The following EXOC4 variants were observed in gnomAD, a reference collection of about 807,000 sequenced individuals.
EXOC4 encodes the protein exocyst complex component 4, also known as SEC8-like 1.
In EXOC4, 71 loss-of-function variants were observed where a neutral mutation model predicts 107.2. The observed-to-expected ratio is 0.66, with a 90% CI of 0.55 to 0.81. The LOEUF (loss-of-function observed/expected upper bound fraction) is 0.81, where lower values mean the gene tolerates loss of function less well. Among genes scored for constraint, EXOC4 ranks in the 30% least tolerant of loss-of-function variants. The pLI is 0.00. For synonymous variants in EXOC4, 456 were observed against 441.2 expected, an observed-to-expected ratio of 1.03 and a Z score of -0.42; for missense variants, 1,108 against 1,189.6, an observed-to-expected ratio of 0.93 and a Z score of 1.01.
At chr7:133,865,352 G>A (rs966020211) in intron 11 of EXOC4, among the ~76,000 whole-genome samples, 1 of 152,132 alleles carries the variant, frequency 6.6e-6, no homozygotes, top group African/African-American at 2.4e-5. Context: ...ATTTTACCTA[G>A]AAATGACATA....
At chr7:133,607,041 TA>T (rs1239390306) in intron 9 of EXOC4, among the ~76,000 whole-genome samples, 2 of 152,198 alleles carry the variant, frequency 1.3e-5, no homozygotes, top group Non-Finnish European at 2.9e-5. Context: ...TTGCTAATAG[TA>T]ATTTATTTTC....
intron 12 of EXOC4, among the ~76,000 whole-genome samples, chr7:133,900,739 A>G (rs929268066): frequency 1.3e-5 from 2 of 152,204 alleles, no homozygotes; most frequent in Non-Finnish European, 2.9e-5. Context: ...GGTAAACTTG[A>G]TAAGACTTTG....
intron 10 of EXOC4, among the ~76,000 whole-genome samples, chr7:133,704,075 C>T (rs1288606299): frequency 2.0e-5 from 3 of 152,138 alleles, no homozygotes; most frequent in African/African-American, 7.2e-5. Flanking sequence ...TTCACTGTGA[C>T]ACTGATCAAT....
At chr7:133,869,256 G>A (rs1002019463) in intron 11 of EXOC4, among the ~76,000 whole-genome samples, 2 of 151,890 alleles carry the variant, frequency 1.3e-5, no homozygotes, top group Non-Finnish European at 2.9e-5. Context: ...TCATGCCAAT[G>A]CCTTGCCTGA....
chr7:133,498,431 A>C (rs1799519184), intron 9 of EXOC4, among the ~76,000 whole-genome samples: 1 of 152,134 alleles, frequency 6.6e-6, no homozygotes, highest in Non-Finnish European at 1.5e-5. Context: ...TAAAAATACA[A>C]AAAGTTAGCT....
chr7:133,317,716 C>G (rs1254914854), intron 5 of EXOC4, among the ~76,000 whole-genome samples: 1 of 152,032 alleles, frequency 6.6e-6, no homozygotes, highest in Non-Finnish European at 1.5e-5. Context: ...GAGTCTCGCT[C>G]TGTTGCCCAG....
At chr7:133,534,802 C>A (rs1279336201) in intron 9 of EXOC4, among the ~76,000 whole-genome samples, 1 of 152,092 alleles carries the variant, frequency 6.6e-6, no homozygotes, top group Non-Finnish European at 1.5e-5. Context: ...ATCCTCATAT[C>A]CAGCTGAAGA....
intron 13 of EXOC4, among the ~76,000 whole-genome samples, chr7:133,925,050 T>C (rs1800020698): frequency 6.6e-6 from 1 of 152,224 alleles, no homozygotes; most frequent in East Asian, 1.9e-4. Context: ...CAGAGTGCCT[T>C]GATTTAGCAC....
chr7:133,686,508 A>G (rs1268029209), intron 10 of EXOC4, among the ~76,000 whole-genome samples: 3 of 152,162 alleles, frequency 2.0e-5, no homozygotes, highest in Non-Finnish European at 4.4e-5. Context: ...TTCCTCAGGA[A>G]TGGACTTTCA....
intron 9 of EXOC4, among the ~76,000 whole-genome samples, chr7:133,581,195 G>T (rs950698291): frequency 5.3e-5 from 8 of 152,206 alleles, no homozygotes; most frequent in African/African-American, 1.9e-4. Context: ...ATGGAAGTTT[G>T]AAGTTGGCTG....
intron 9 of EXOC4, among the ~76,000 whole-genome samples, chr7:133,498,651 C>G (rs771238777): frequency 1.3e-5 from 2 of 152,208 alleles, no homozygotes; most frequent in Admixed American, 1.3e-4. Flanking sequence ...TAACTGCCAT[C>G]ATCTCTTGGT....
chr7:133,408,096 C>T (rs938654497), intron 7 of EXOC4, among the ~76,000 whole-genome samples: 2 of 151,398 alleles, frequency 1.3e-5, no homozygotes, highest in Non-Finnish European at 2.9e-5. Context: ...ATGGTGGTGG[C>T]GACGGTAGCC....
chr7:133,275,567 CTG>C (rs1793969666), intron 2 of EXOC4, among the ~76,000 whole-genome samples: 1 of 152,190 alleles, frequency 6.6e-6, no homozygotes, highest in Non-Finnish European at 1.5e-5. Context: ...AATATTCTGA[CTG>C]TTGATTCAAT....
chr7:133,648,152 T>C (rs1308777431), intron 10 of EXOC4, among the ~76,000 whole-genome samples: 1 of 152,236 alleles, frequency 6.6e-6, no homozygotes, highest in Non-Finnish European at 1.5e-5. Context: ...TAAAATATAA[T>C]TTAATTTATT....
rs35688586 is a variant in EXOC4, at chr7:133,331,904, A to G, written c.763+14514A>G. ...CCTTTCTCTTATTCTCCTCAGTCAC[A>G]GTATTTTGTAATGCACAGAGAAACT... On this transcript the variant is annotated intron_variant, in intron 5 of 17. Coordinates refer to ENST00000253861, the MANE Select transcript of EXOC4 (RefSeq NM_021807.4). Among the ~76,000 whole-genome samples the G allele has an allele frequency of 3.8e-3, 575 of 152,308 alleles. 2 individuals are homozygous for G. Among genetic ancestry groups the G allele is most frequent in the Middle Eastern group, 0.01 (3 of 294 alleles).
intron 7 of EXOC4, among the ~76,000 whole-genome samples, chr7:133,429,849 TGGG>T (rs1428195913): frequency 6.6e-6 from 1 of 152,232 alleles, no homozygotes; most frequent in Non-Finnish European, 1.5e-5. Context: ...GGACTTGTGA[TGGG>T]GGTGTGGCCC....
intron 14 of EXOC4, among the ~76,000 whole-genome samples, chr7:133,958,224 A>G (rs750967848): frequency 9.2e-5 from 14 of 152,142 alleles, no homozygotes; most frequent in Non-Finnish European, 1.6e-4. Context: ...AATCAAATGA[A>G]TCAACCATTT....
chr7:134,027,903 G>A (rs1795179580), intron 17 of EXOC4, among the ~76,000 whole-genome samples: 1 of 152,124 alleles, frequency 6.6e-6, no homozygotes, highest in South Asian at 2.1e-4. Context: ...GGAGTAACTG[G>A]CCACAAATGA....
intron 10 of EXOC4, among the ~76,000 whole-genome samples, chr7:133,640,702 T>C (rs1437821821): frequency 1.3e-5 from 2 of 152,212 alleles, no homozygotes; most frequent in Admixed American, 6.5e-5. Context: ...CAAAAATTAG[T>C]TGACATGTTT....
Sources: gnomAD v4.1 joint callset for allele counts (sites outside exome capture counted in the v4.1 genomes callset) on GRCh38, gnomAD v4.1.1 for gene constraint, MANE v1.5 for transcripts, NCBI Gene and HGNC (gene_info 2026-07-23, HGNC 2026-07-21) for gene names.